NPAS2: variants seen among roughly 807,000 people sequenced by gnomAD.
The protein encoded by NPAS2 is neuronal PAS domain protein 2, also known as neuronal PAS domain-containing protein 2.
Under a neutral mutation model 107.5 loss-of-function variants are expected in NPAS2, and 23 were observed. The observed-to-expected ratio is 0.21, with a 90% confidence interval of 0.15 to 0.30. NPAS2 has a LOEUF of 0.30. Among genes scored for constraint, NPAS2 ranks in the 10% least tolerant of loss-of-function variants. NPAS2 has a pLI of 1.00. For missense variants in NPAS2, 756 were observed against 1,043.3 expected, an observed-to-expected ratio of 0.72 and a Z score of 3.79; for synonymous variants, 403 against 417.5, an observed-to-expected ratio of 0.97 and a Z score of 0.42.
At chr2:100,928,481 A>C (rs932524737) in intron 3 of NPAS2, among the ~76,000 whole-genome samples, 1 of 151,634 alleles carries the variant, frequency 6.6e-6, no homozygotes, top group Non-Finnish European at 1.5e-5. Context: ...GGAATTACAG[A>C]ATTGTCAAAT....
Position 100,982,186 on chromosome 2 carries a change from A to G in NPAS2, c.1483-45A>G, listed in dbSNP as rs921536394. The G allele has an allele frequency of 1.9e-6, 3 of 1,611,066 alleles. No individual in the cohort carries two copies. In the African/African-American group the frequency reaches 4.0e-5, roughly 22 times the overall value. On this transcript the variant is annotated intron_variant, in intron 15 of 20. Transcript: ENST00000335681. ...GCAGCAAGATCTGCCTGCAAGGCTGAAATAACTCTTTCATCTGATTATGTT... is the reference window on the plus strand; with the variant it reads ...GCAGCAAGATCTGCCTGCAAGGCTGGAATAACTCTTTCATCTGATTATGTT...
Position 100,941,301 on chromosome 2 carries a change from C to T in NPAS2, c.363+3459C>T, listed in dbSNP as rs538137979. Among the ~76,000 whole-genome samples the T allele has an allele frequency of 5.9e-5, 9 of 152,306 alleles. No individual in the cohort carries two copies. In the East Asian group the frequency reaches 1.4e-3, roughly 23 times the overall value. ...GAGAACTGGCAGGCGCGGTGGCTCACGCCTGTAATCTCTGCACTTTGGGAG... is the reference window on the plus strand; with the variant it reads ...GAGAACTGGCAGGCGCGGTGGCTCATGCCTGTAATCTCTGCACTTTGGGAG... On this transcript the variant is annotated intron_variant, in intron 5 of 20. Transcript: ENST00000335681.
chr2:100,897,589 C>T (rs1681493240), intron 1 of NPAS2, among the ~76,000 whole-genome samples: 1 of 152,146 alleles, frequency 6.6e-6, no homozygotes, highest in African/African-American at 2.4e-5. Context: ...CCTCACTGCT[C>T]ACTCCCACAC....
In NPAS2 at chr2:100,926,371, G is replaced by A. The variant is rs1304890289; in HGVS notation, c.181+1077G>A. On this transcript the variant is annotated intron_variant, in intron 3 of 20. Coordinates refer to ENST00000335681, the MANE Select transcript of NPAS2 (RefSeq NM_002518.4). ...GCCAAACTGTTTTCCAAGGTGGCTT[G>A]TACCTATTTATATTCCCAGCAGCAA... Among the ~76,000 whole-genome samples the A allele has an allele frequency of 2.6e-5, 4 of 152,162 alleles. No individual in the cohort carries two copies. In the South Asian group the frequency reaches 8.3e-4, roughly 32 times the overall value.
At chr2:100,972,571 G>A (rs1297700024) in intron 12 of NPAS2, 4 of 152,240 alleles carry the variant, frequency 2.6e-5, no homozygotes, top group Non-Finnish European at 5.9e-5. Flanking sequence ...GAGAGCAGTG[G>A]GTGCCTTGGC....
chr2:100,990,674 G>A (rs1678059960), intron 18 of NPAS2, 106 bp from the exon 19 acceptor site: 1 of 1,139,122 alleles, frequency 8.8e-7, no homozygotes, highest in East Asian at 2.4e-5. Flanking sequence ...GTGGGGATTA[G>A]AGTCAACCAT....
intron 1 of NPAS2, among the ~76,000 whole-genome samples, chr2:100,833,019 T>C (rs541571108): frequency 6.6e-6 from 1 of 152,316 alleles, no homozygotes; most frequent in East Asian, 1.9e-4. Context: ...CTTTGGCAGC[T>C]CTTGCATCTA....
intron 1 of NPAS2, among the ~76,000 whole-genome samples, chr2:100,823,083 T>C (rs906573515): frequency 2.0e-5 from 3 of 152,132 alleles, no homozygotes; most frequent in African/African-American, 7.2e-5. Context: ...AGATGCTCAG[T>C]AAATAGGTGT....
At chr2:100,994,106 C>G (rs1159715949) in intron 20 of NPAS2, 2 of 152,304 alleles carry the variant, frequency 1.3e-5, no homozygotes, top group Admixed American at 1.3e-4. Flanking sequence ...CACGTGGGAG[C>G]CACACGTCTG....
At position 100,968,111 on chromosome 2, in the gene NPAS2, G is replaced by A. The variant is rs1013262078; in HGVS notation, c.908-170G>A. On this transcript the variant is annotated intron_variant, in intron 10 of 20. Transcript: ENST00000335681. The surrounding 1 kb of genome is among the most constrained non-coding windows in gnomAD (Gnocchi z 5.3). ...ACTCTTCCACTGTTTAAGAATTCAC[G>A]ACAGTGTACCGTGATCCTGACAGTC... Among the ~76,000 whole-genome samples the A allele has an allele frequency of 2.0e-5, 3 of 152,174 alleles. No individual in the cohort carries two copies. The highest frequency in any genetic ancestry group is 7.2e-5 in the African/African-American group (3 of 41,436).
chr2:100,856,552 A>G (rs1678564726), intron 1 of NPAS2, among the ~76,000 whole-genome samples: 1 of 152,242 alleles, frequency 6.6e-6, no homozygotes, highest in African/African-American at 2.4e-5. Context: ...TTTCATTCAG[A>G]CTTTGAAATT....
At chr2:100,981,413 C>A (rs1677430185) in intron 15 of NPAS2, among the ~76,000 whole-genome samples, 1 of 152,190 alleles carries the variant, frequency 6.6e-6, no homozygotes, top group African/African-American at 2.4e-5. Context: ...CCCCTCCTGC[C>A]ATCCCTCCCA....
At chr2:100,943,282 C>A (rs1021458158) in intron 5 of NPAS2, among the ~76,000 whole-genome samples, 1 of 152,188 alleles carries the variant, frequency 6.6e-6, no homozygotes. Context: ...GCTTTTCTCT[C>A]GATTACCAAT....
chr2:100,842,831 G>GT (rs1183515760), intron 1 of NPAS2, among the ~76,000 whole-genome samples: 2 of 152,152 alleles, frequency 1.3e-5, no homozygotes. Context: ...CAAACAGCCA[G>GT]TTTTTACACA....
chr2:100,990,252 C>T lies in NPAS2; in HGVS notation c.1828-4C>T, dbSNP rs1205847373. ...TTACCTTTCTCATTGAAATGATGCT[C>T]CAGGGTCCAAAGCCAATGAGAAGCT... On this transcript the variant is annotated splice_polypyrimidine_tract_variant and splice_region_variant and intron_variant, in intron 17 of 20. Transcript: ENST00000335681. 3.1e-6 allele frequency: 5 copies of T among 1,613,486 alleles called. No individual in the cohort carries two copies. The highest frequency in any genetic ancestry group is 1.3e-5 in the African/African-American group (1 of 74,902).
chr2:100,883,295 A>G (rs1371713741), intron 1 of NPAS2, among the ~76,000 whole-genome samples: 1 of 152,188 alleles, frequency 6.6e-6, no homozygotes, highest in African/African-American at 2.4e-5. Context: ...ATGCCAGGCT[A>G]TCGGTGAACT....
chr2:100,911,766 G>T (rs1455263091), intron 2 of NPAS2, among the ~76,000 whole-genome samples: 1 of 152,090 alleles, frequency 6.6e-6, no homozygotes, highest in Non-Finnish European at 1.5e-5. Flanking sequence ...TGAGTAGCTG[G>T]GATTACATGC....
At chr2:100,904,243 G>A (rs1681985585) in intron 1 of NPAS2, among the ~76,000 whole-genome samples, 1 of 152,110 alleles carries the variant, frequency 6.6e-6, no homozygotes, top group Admixed American at 6.5e-5. Flanking sequence ...CGGATCCCAG[G>A]CAGGCACTGG....
At chr2:100,957,002 A>G (rs1675610496) in intron 7 of NPAS2, among the ~76,000 whole-genome samples, 1 of 152,192 alleles carries the variant, frequency 6.6e-6, no homozygotes, top group African/African-American at 2.4e-5. Flanking sequence ...GGCAGTGTGA[A>G]CACACCAGCC....
Sources: gnomAD v4.1 joint callset for allele counts (sites outside exome capture counted in the v4.1 genomes callset) on GRCh38, gnomAD v4.1.1 for gene constraint, Gnocchi (gnomAD v3.1) non-coding constraint, MANE v1.5 for transcripts, NCBI Gene and HGNC (gene_info 2026-07-23, HGNC 2026-07-21) for gene names.